Variants in PTPRK observed in about 807,000 individuals in gnomAD.
PTPRK encodes the protein protein tyrosine phosphatase receptor type K, also known as receptor-type tyrosine-protein phosphatase kappa.
A neutral mutation model predicts 178.0 loss-of-function variants in PTPRK; 75 were observed. That is an observed-to-expected ratio of 0.42 (90% CI 0.35 to 0.51). PTPRK has a LOEUF of 0.51. PTPRK is among the 20% of genes least tolerant of loss of function. The probability of loss-of-function intolerance (pLI) is 0.02; values close to 1 mark genes in which losing one functional copy is unlikely to be tolerated. For missense variants in PTPRK, 1,441 were observed against 1,797.8 expected, an observed-to-expected ratio of 0.80 and a Z score of 3.59; for synonymous variants, 637 against 620.6, an observed-to-expected ratio of 1.03 and a Z score of -0.39.
intron 1 of PTPRK, among the ~76,000 whole-genome samples, chr6:128,411,602 G>T (rs555717240): frequency 1.3e-5 from 2 of 152,244 alleles, no homozygotes; most frequent in South Asian, 2.1e-4. Context: ...ATAATCTTTA[G>T]CTGCATTACA....
intron 1 of PTPRK, chr6:128,409,387 C>T (rs1328935319): frequency 2.3e-6 from 1 of 434,848 alleles, no homozygotes; most frequent in African/African-American, 2.0e-5. Flanking sequence ...GTAGACACAT[C>T]ATAAGTATTT....
At chr6:128,309,391 G>T (rs1826909065) in intron 3 of PTPRK, among the ~76,000 whole-genome samples, 1 of 152,128 alleles carries the variant, frequency 6.6e-6, no homozygotes, top group Admixed American at 6.5e-5. Context: ...GGGTGGGGGA[G>T]CCTAGAGTCC....
chr6:128,199,120 G>A (rs532957829), intron 6 of PTPRK, among the ~76,000 whole-genome samples: 3 of 152,198 alleles, frequency 2.0e-5, no homozygotes, highest in Non-Finnish European at 2.9e-5. Flanking sequence ...TTTCAGGTAC[G>A]TGCTACCCCA....
intron 2 of PTPRK, among the ~76,000 whole-genome samples, chr6:128,349,718 C>T (rs1832872909): frequency 6.6e-6 from 1 of 151,844 alleles, no homozygotes; most frequent in South Asian, 2.1e-4. Context: ...AAAAGAAGTG[C>T]TGTTGAAAGG....
At position 128,491,737 on chromosome 6, in the gene PTPRK, C is replaced by T. The variant is rs189399550; in HGVS notation, c.100+28522G>A. On this transcript the variant is annotated intron_variant, in intron 1 of 29. Transcript: ENST00000368226. ...CATTTTTTTTCTCTTGTTACCTTTT[C>T]AATCGCCCTTCATGATCCTGGCCAG... The T allele has an allele frequency of 1.5e-4, 75 of 516,244 alleles. 1 individual carries two copies. In the East Asian group the frequency reaches 3.5e-3, roughly 24 times the overall value. 32.0% of individuals were successfully genotyped at this position (516,244 alleles called of 1,614,324 possible). A position where few individuals can be genotyped will look rare whatever the true frequency, so the allele number is the denominator to read the frequency against.
chr6:128,169,510 G>A (rs553525463), intron 7 of PTPRK, among the ~76,000 whole-genome samples: 1 of 151,930 alleles, frequency 6.6e-6, no homozygotes, highest in African/African-American at 2.4e-5. Flanking sequence ...CCAATGAAAT[G>A]ACTTGAAATA....
intron 3 of PTPRK, among the ~76,000 whole-genome samples, chr6:128,291,450 T>G (rs904907649): frequency 2.6e-5 from 4 of 152,128 alleles, no homozygotes; most frequent in African/African-American, 9.7e-5. Context: ...CAATTTGTTA[T>G]GGGATAAATT....
At chr6:128,002,354 T>C (rs1245621548) in intron 15 of PTPRK, among the ~76,000 whole-genome samples, 1 of 151,830 alleles carries the variant, frequency 6.6e-6, no homozygotes, top group Admixed American at 6.6e-5. Context: ...ATTTATTTGA[T>C]AGTTTCCATA....
chr6:128,274,621 T>C (rs1346352085), intron 3 of PTPRK, among the ~76,000 whole-genome samples: 4 of 152,052 alleles, frequency 2.6e-5, no homozygotes, highest in Admixed American at 2.6e-4. Flanking sequence ...AAAACTCAGG[T>C]TGTTCCATTG....
At chr6:128,263,256 T>G (rs1246303073) in intron 3 of PTPRK, among the ~76,000 whole-genome samples, 2 of 152,178 alleles carry the variant, frequency 1.3e-5, no homozygotes, top group East Asian at 3.9e-4. Flanking sequence ...AGAGGCAATT[T>G]CTTTCTCATT....
At chr6:128,382,577 TTTTG>T (rs1453257309) in intron 2 of PTPRK, among the ~76,000 whole-genome samples, 3 of 151,392 alleles carry the variant, frequency 2.0e-5, no homozygotes, top group African/African-American at 4.9e-5. Flanking sequence ...CTGGCTAATT[TTTTG>T]TTTGTTTGTT....
chr6:128,224,922 T>C (rs1046598030), intron 5 of PTPRK, among the ~76,000 whole-genome samples: 1 of 152,180 alleles, frequency 6.6e-6, no homozygotes, highest in Non-Finnish European at 1.5e-5. Context: ...TTATCAAATC[T>C]CTGAAATGAC....
intron 6 of PTPRK, among the ~76,000 whole-genome samples, chr6:128,186,057 C>G (rs1210662217): frequency 1.3e-5 from 2 of 152,064 alleles, no homozygotes; most frequent in African/African-American, 4.8e-5. Context: ...TACAGCTACA[C>G]AGGCTAAAGT....
chr6:128,461,481 G>GTT (rs961864328), intron 1 of PTPRK, among the ~76,000 whole-genome samples: 1 of 149,840 alleles, frequency 6.7e-6, no homozygotes, highest in Non-Finnish European at 1.5e-5. Context: ...ACATTGACCT[G>GTT]TTTTTTTTTC....
At chr6:128,141,960 T>A (rs1036285482) in intron 7 of PTPRK, among the ~76,000 whole-genome samples, 1 of 151,952 alleles carries the variant, frequency 6.6e-6, no homozygotes, top group African/African-American at 2.4e-5. Context: ...AAGATAAATC[T>A]TTCTTCCTTC....
At chr6:128,274,148 A>AATAGCAAGTCTAAATAATGACC (rs1279391943) in intron 3 of PTPRK, among the ~76,000 whole-genome samples, 2 of 152,170 alleles carry the variant, frequency 1.3e-5, no homozygotes, top group Non-Finnish European at 2.9e-5. Context: ...TTGCCAATAG[A>AATAGCAAGTCTAAATAATGACC]ATAGCAAGTC....
intron 1 of PTPRK, among the ~76,000 whole-genome samples, chr6:128,446,692 T>A (rs973721428): frequency 3.9e-5 from 6 of 152,168 alleles, no homozygotes; most frequent in Non-Finnish European, 7.3e-5. Flanking sequence ...TATGTTTCAA[T>A]TTAACTAAAT....
intron 13 of PTPRK, among the ~76,000 whole-genome samples, chr6:128,043,652 A>AG (rs1554277063): frequency 7.2e-6 from 1 of 139,266 alleles, no homozygotes; most frequent in African/African-American, 2.6e-5. Context: ...GCAAAAAAAA[A>AG]AGAGAAAGAT....
intron 7 of PTPRK, among the ~76,000 whole-genome samples, chr6:128,158,606 T>C (rs902728319): frequency 2.0e-5 from 3 of 151,842 alleles, no homozygotes; most frequent in African/African-American, 7.3e-5. Context: ...CAAAATAAAA[T>C]AAATCATTTA....
Sources: allele counts gnomAD v4.1 joint callset (sites outside exome capture counted in the v4.1 genomes callset), GRCh38; gene constraint gnomAD v4.1.1; transcripts MANE v1.5; gene names NCBI Gene and HGNC (gene_info 2026-07-23, HGNC 2026-07-21).